DSN1: variants seen among roughly 807,000 people sequenced by gnomAD.
DSN1 encodes kinetochore-associated protein DSN1 homolog.
A neutral mutation model predicts 45.7 loss-of-function variants in DSN1; 31 were observed. That is an observed-to-expected ratio of 0.68 (90% CI 0.51 to 0.92). DSN1 has a LOEUF of 0.92. Among genes scored for constraint, DSN1 ranks in the 40% least tolerant of loss-of-function variants. The pLI, the probability that DSN1 is intolerant of heterozygous loss-of-function variation, is 0.00. For synonymous variants in DSN1, 134 were observed against 142.3 expected, an observed-to-expected ratio of 0.94 and a Z score of 0.41; for missense variants, 394 against 414.2, an observed-to-expected ratio of 0.95 and a Z score of 0.42.
chr20:36,760,484 G>A (rs372204299), intron 6 of DSN1, among the ~76,000 whole-genome samples: 6 of 152,156 alleles, frequency 3.9e-5, no homozygotes, highest in South Asian at 4.1e-4. Context: ...ATTCTACCTC[G>A]CAAAAACAAA....
At chr20:36,773,630 C>T in intron 1 of DSN1, 32 bp downstream of exon 1, 2 of 985,634 alleles carry the variant, frequency 2.0e-6, no homozygotes, top group Non-Finnish European at 2.4e-6. Context: ...TCTGTGACTT[C>T]CTGACGCCCG....
rs1987773933 is a variant in DSN1 at position 36,773,744 on chromosome 20, A to T, written c.-98T>A. 2 of 985,556 alleles carry T rather than the reference A, an allele frequency of 2.0e-6. No individual in the cohort carries two copies. Among genetic ancestry groups the T allele is most frequent in the East Asian group, 2.3e-4 (2 of 8,818 alleles). 61.1% of individuals were successfully genotyped at this position (985,556 alleles called of 1,614,324 possible). On this transcript the variant is annotated 5_prime_UTR_variant, in exon 1 of 11. Coordinates refer to ENST00000373750, the MANE Select transcript of DSN1 (RefSeq NM_001145315.2). ...GCGCACCCGCAGCCGATACTCCCTGATCAGGGTGAAGCGGTCTCCACCTTC... is the reference window on the plus strand; with the variant it reads ...GCGCACCCGCAGCCGATACTCCCTGTTCAGGGTGAAGCGGTCTCCACCTTC...
Position 36,773,712 on chromosome 20 carries a change from A to G in DSN1, c.-66T>C. The G allele has an allele frequency of 1.0e-6, 1 of 985,556 alleles. No homozygotes were observed. Among genetic ancestry groups the G allele is most frequent in the Non-Finnish European group, 1.2e-6 (1 of 830,012 alleles). The allele number at this position is 985,556 out of a possible 1,614,324, so 61.1% of individuals were successfully genotyped here. The stretch of plus-strand genomic sequence containing the variant: ...CTCCACAGCCCCAGGTCACTCCTGG[A>G]CGCCTTGCGCACCCGCAGCCGATAC... On this transcript the variant is annotated 5_prime_UTR_variant, in exon 1 of 11. Coordinates refer to ENST00000373750, the MANE Select transcript of DSN1 (RefSeq NM_001145315.2).
At chr20:36,762,054 T>C (rs1227255945) in intron 6 of DSN1, among the ~76,000 whole-genome samples, 1 of 151,906 alleles carries the variant, frequency 6.6e-6, no homozygotes, top group African/African-American at 2.4e-5. Flanking sequence ...GAATAAATGT[T>C]TGTTGGTGAA....
intron 6 of DSN1, among the ~76,000 whole-genome samples, chr20:36,761,609 C>T (rs1203386651): frequency 6.6e-6 from 1 of 152,056 alleles, no homozygotes; most frequent in African/African-American, 2.4e-5. Flanking sequence ...GCCTGTAATC[C>T]CAGCACTTTG....
intron 4 of DSN1, 52 bp downstream of exon 4, chr20:36,767,917 C>T: frequency 2.6e-6 from 4 of 1,567,090 alleles, no homozygotes; most frequent in Non-Finnish European, 3.5e-6. Flanking sequence ...AAAAGATTGT[C>T]ACAATAGCAG....
intron 8 of DSN1, among the ~76,000 whole-genome samples, chr20:36,757,770 A>T (rs1986755291): frequency 6.6e-6 from 1 of 152,162 alleles, no homozygotes; most frequent in Non-Finnish European, 1.5e-5. Context: ...CCCCTTGGTT[A>T]CTGTTCTTGG....
chr20:36,762,224 A>C (rs1000251492), intron 6 of DSN1, among the ~76,000 whole-genome samples: 1 of 146,130 alleles, frequency 6.8e-6, no homozygotes, highest in Non-Finnish European at 1.5e-5. Flanking sequence ...CTCCTGCCTC[A>C]GCCTCCCGAG....
At chr20:36,764,875 G>A (rs1317844553) in intron 5 of DSN1, among the ~76,000 whole-genome samples, 34 of 149,616 alleles carry the variant, frequency 2.3e-4, no homozygotes, top group African/African-American at 8.1e-4. Flanking sequence ...AGCCAAGATC[G>A]CACCACTGTA....
intron 9 of DSN1, among the ~76,000 whole-genome samples, chr20:36,755,371 G>A (rs751963935): frequency 1.3e-5 from 2 of 151,838 alleles, no homozygotes; most frequent in African/African-American, 2.4e-5. Context: ...TCCCTCAAAC[G>A]TCCTCATGGC....
chr20:36,759,531 T>C (rs1476371255), intron 6 of DSN1, among the ~76,000 whole-genome samples: 1 of 152,114 alleles, frequency 6.6e-6, no homozygotes, highest in East Asian at 1.9e-4. Flanking sequence ...TCACCCAGGC[T>C]GGAGTGCAGT....
At chr20:36,766,317 G>A (rs1431547859) in intron 5 of DSN1, among the ~76,000 whole-genome samples, 2 of 151,866 alleles carry the variant, frequency 1.3e-5, no homozygotes, top group African/African-American at 2.4e-5. Flanking sequence ...TGGAAGGGAA[G>A]ATTATTTTCC....
chr20:36,767,700 G>A (rs548186938), intron 4 of DSN1, among the ~76,000 whole-genome samples: 4 of 152,248 alleles, frequency 2.6e-5, no homozygotes, highest in African/African-American at 7.2e-5. Context: ...TCAGGAGATC[G>A]AGACAATTCT....
chr20:36,767,225 T>C (rs2148280303), intron 4 of DSN1, among the ~76,000 whole-genome samples: 1 of 151,968 alleles, frequency 6.6e-6, no homozygotes, highest in East Asian at 2.0e-4. Context: ...TAGAATCGCT[T>C]GAACCTGGGA....
chr20:36,754,616 T>A (rs1346498377), intron 10 of DSN1, 147 bp downstream of exon 10: 2 of 569,146 alleles, frequency 3.5e-6, no homozygotes, highest in Non-Finnish European at 6.3e-6. Context: ...TGAGTACCCA[T>A]AACATACTAT....
At chr20:36,753,893 C>G (rs1040148789) in intron 10 of DSN1, among the ~76,000 whole-genome samples, 1 of 151,728 alleles carries the variant, frequency 6.6e-6, no homozygotes, top group African/African-American at 2.4e-5. Context: ...GTAATCCCAG[C>G]TACTCGGGAG....
intron 10 of DSN1, 106 bp from the exon 11 acceptor site, chr20:36,753,003 G>T: frequency 1.1e-6 from 1 of 874,188 alleles, no homozygotes. Context: ...GCATTACAAA[G>T]ACAAATAAGA....
At chr20:36,771,527 A>C in intron 1 of DSN1, 54 bp from the exon 2 acceptor site, 1 of 1,553,134 alleles carries the variant, frequency 6.4e-7, no homozygotes, top group Non-Finnish European at 8.9e-7. Context: ...TGCAGTCTCA[A>C]TGGGGCTTTA....
chr20:36,759,367 G>C (rs773749447), intron 6 of DSN1, among the ~76,000 whole-genome samples: 2 of 152,062 alleles, frequency 1.3e-5, no homozygotes, highest in Non-Finnish European at 2.9e-5. Flanking sequence ...CTCCCACCTT[G>C]GTCTCCCAAA....
Sources: gnomAD v4.1 joint callset for allele counts (sites outside exome capture counted in the v4.1 genomes callset) on GRCh38, gnomAD v4.1.1 for gene constraint, MANE v1.5 for transcripts, NCBI Gene and HGNC (gene_info 2026-07-23, HGNC 2026-07-21) for gene names.